The following RABGAP1L variants were observed in gnomAD, a reference collection of about 807,000 sequenced individuals.
RABGAP1L encodes rab GTPase-activating protein 1-like.
RABGAP1L carries 63 observed loss-of-function variants against 137.7 expected under a neutral mutation model. The observed-to-expected ratio is 0.46, with a 90% CI of 0.37 to 0.56. RABGAP1L has a LOEUF of 0.56. Among genes scored for constraint, RABGAP1L ranks in the 20% least tolerant of loss-of-function variants. The probability of loss-of-function intolerance (pLI) is 0.00; values close to 1 mark genes in which losing one functional copy is unlikely to be tolerated. For missense variants in RABGAP1L, 1,095 were observed against 1,244.0 expected, an observed-to-expected ratio of 0.88 and a Z score of 1.80; for synonymous variants, 431 against 433.7, an observed-to-expected ratio of 0.99 and a Z score of 0.08.
At chr1:174,192,034 A>G (rs1667246473) in intron 1 of RABGAP1L, among the ~76,000 whole-genome samples, 1 of 152,216 alleles carries the variant, frequency 6.6e-6, no homozygotes, top group Non-Finnish European at 1.5e-5. Context: ...CAAAGTGGTT[A>G]GAGTATTAGA....
chr1:174,229,011 A>G (rs562277523), intron 3 of RABGAP1L, among the ~76,000 whole-genome samples: 60 of 144,500 alleles, frequency 4.2e-4, no homozygotes, highest in African/African-American at 1.4e-3. Flanking sequence ...TTAGAATAAA[A>G]TGAACAGTTT....
intron 11 of RABGAP1L, among the ~76,000 whole-genome samples, chr1:174,333,124 T>G (rs532802945): frequency 1.7e-3 from 256 of 152,240 alleles, no homozygotes; most frequent in Non-Finnish European, 2.0e-3. Context: ...ATTGATCTCC[T>G]AGAAGTTGTG....
chr1:174,312,398 T>G (rs1450719131), intron 11 of RABGAP1L, among the ~76,000 whole-genome samples: 1 of 152,196 alleles, frequency 6.6e-6, no homozygotes, highest in Non-Finnish European at 1.5e-5. Context: ...TTTTTTTTTC[T>G]TGAGAAATGT....
chr1:174,211,193 A>G (rs61828580), intron 1 of RABGAP1L, among the ~76,000 whole-genome samples: 13,610 of 152,246 alleles, frequency 0.089, 821 homozygotes, highest in East Asian at 0.22. Context: ...AAGACAGAGT[A>G]TGGTAACAGT....
intron 13 of RABGAP1L, among the ~76,000 whole-genome samples, chr1:174,615,798 C>A (rs1226734077): frequency 1.3e-5 from 2 of 152,218 alleles, no homozygotes; most frequent in Non-Finnish European, 1.5e-5. Flanking sequence ...GCCCCTCCCC[C>A]AGCCTCGCTG....
intron 18 of RABGAP1L, among the ~76,000 whole-genome samples, chr1:174,796,725 T>A (rs1688266066): frequency 6.6e-6 from 1 of 152,098 alleles, no homozygotes; most frequent in Non-Finnish European, 1.5e-5. Flanking sequence ...GATAACATAT[T>A]TTGCTGGGCA....
At chr1:174,602,426 C>A (rs75321385) in intron 13 of RABGAP1L, among the ~76,000 whole-genome samples, 3,439 of 152,274 alleles carry the variant, frequency 0.023, 62 homozygotes, top group Middle Eastern at 0.085. Context: ...CTTATTCACT[C>A]TGCAAGAATA....
At chr1:174,471,451 A>C (rs1260924386) in intron 13 of RABGAP1L, among the ~76,000 whole-genome samples, 3 of 152,198 alleles carry the variant, frequency 2.0e-5, no homozygotes, top group African/African-American at 7.2e-5. Flanking sequence ...TATATTAGAA[A>C]TTTTGCCACA....
At chr1:174,356,999 G>T (rs1353545404) in intron 11 of RABGAP1L, among the ~76,000 whole-genome samples, 1 of 152,112 alleles carries the variant, frequency 6.6e-6, no homozygotes, top group South Asian at 2.1e-4. Flanking sequence ...TACTGTATGG[G>T]TCTGATGACA....
At chr1:174,967,047 A>G (rs1415648928) in intron 20 of RABGAP1L, among the ~76,000 whole-genome samples, 3 of 152,130 alleles carry the variant, frequency 2.0e-5, no homozygotes, top group Non-Finnish European at 4.4e-5. Context: ...TTCACTACCT[A>G]CAGTTAATAT....
intron 13 of RABGAP1L, among the ~76,000 whole-genome samples, chr1:174,617,891 A>T (rs1318656727): frequency 2.0e-5 from 3 of 151,890 alleles, no homozygotes; most frequent in African/African-American, 7.2e-5. Flanking sequence ...GGGTGCAGCT[A>T]GTCAAAGAAA....
At chr1:174,645,624 G>T (rs1674905970) in intron 14 of RABGAP1L, among the ~76,000 whole-genome samples, 3 of 152,106 alleles carry the variant, frequency 2.0e-5, no homozygotes, top group Admixed American at 2.0e-4. Flanking sequence ...TATCATTGAT[G>T]GGCATTTGGG....
At chr1:174,445,854 G>T (rs1034282576) in intron 13 of RABGAP1L, among the ~76,000 whole-genome samples, 4 of 152,280 alleles carry the variant, frequency 2.6e-5, no homozygotes, top group Non-Finnish European at 2.9e-5. Context: ...GCTATAAGGA[G>T]AATACCTTGA....
At chr1:174,854,958 G>A (rs1407042221) in intron 19 of RABGAP1L, among the ~76,000 whole-genome samples, 1 of 151,414 alleles carries the variant, frequency 6.6e-6, no homozygotes, top group Non-Finnish European at 1.5e-5. Context: ...GGCTGGTCTC[G>A]AACTCCTGAC....
rs1558005427 is a variant in RABGAP1L, at chr1:174,176,728, A to AT, written c.-34+17071_-34+17072insT. On this transcript the variant is annotated intron_variant, in intron 1 of 25. Transcript: ENST00000681986. The stretch of plus-strand genomic sequence containing the variant: ...CCCTTTTTCAGAAAAAAAAAAAAAA[A>AT]AAAAAAAAAAAAAAAAAAGGTCAAC... Among the ~76,000 whole-genome samples, 36 of 141,016 alleles carry AT rather than the reference A, an allele frequency of 2.6e-4. 2 individuals carry two copies. Among genetic ancestry groups the AT allele is most frequent in the Non-Finnish European group, 3.8e-4 (25 of 65,148 alleles). The allele number at this position is 141,016 out of a possible 152,430, so 92.5% of individuals were successfully genotyped here.
intron 16 of RABGAP1L, 32 bp downstream of exon 16, chr1:174,699,682 G>T (rs1418562105): frequency 6.4e-7 from 1 of 1,557,662 alleles, no homozygotes; most frequent in African/African-American, 1.4e-5. Context: ...TTATCACTCA[G>T]GGATTTGTTG....
intron 13 of RABGAP1L, among the ~76,000 whole-genome samples, chr1:174,596,236 G>T (rs1418277496): frequency 2.0e-5 from 3 of 146,832 alleles, no homozygotes; most frequent in Non-Finnish European, 4.5e-5. Context: ...ACACACACTG[G>T]CCTGCGCCCA....
At chr1:174,452,995 T>G (rs779952058) in intron 13 of RABGAP1L, among the ~76,000 whole-genome samples, 13 of 152,168 alleles carry the variant, frequency 8.5e-5, no homozygotes, top group Non-Finnish European at 1.9e-4. Flanking sequence ...TTTTTGCAAA[T>G]CTATTTAAAT....
At chr1:174,849,083 G>T (rs568975142) in intron 19 of RABGAP1L, among the ~76,000 whole-genome samples, 3 of 152,148 alleles carry the variant, frequency 2.0e-5, no homozygotes, top group African/African-American at 7.2e-5. Flanking sequence ...GCCCTGCTTC[G>T]GCTCGCGCAC....
Sources: allele counts gnomAD v4.1 joint callset (sites outside exome capture counted in the v4.1 genomes callset), GRCh38; gene constraint gnomAD v4.1.1; transcripts MANE v1.5; gene names NCBI Gene and HGNC (gene_info 2026-07-23, HGNC 2026-07-21).